CADM2: variants seen among roughly 807,000 people sequenced by gnomAD.
CADM2 encodes the protein immunoglobulin superfamily member 4D.
CADM2 carries 12 observed loss-of-function variants against 49.8 expected under a neutral mutation model. The ratio of observed to expected loss-of-function variants is 0.24; its 90% CI spans 0.15 to 0.39. The LOEUF (loss-of-function observed/expected upper bound fraction) is 0.39. CADM2 is among the 10% of genes least tolerant of loss of function. The pLI, the probability that CADM2 is intolerant of heterozygous loss-of-function variation, is 1.00. For missense variants in CADM2, 378 were observed against 492.3 expected (o/e 0.77, Z 2.20); for synonymous variants, 214 against 175.4 (o/e 1.22, Z -1.74).
intron 1 of CADM2, among the ~76,000 whole-genome samples, chr3:85,171,910 T>C (rs1165590944): frequency 1.3e-5 from 2 of 152,188 alleles, no homozygotes; most frequent in Non-Finnish European, 2.9e-5. Flanking sequence ...GCTTCTAACA[T>C]CGCATAGATT....
chr3:85,693,915 G>GAA (rs146148213), intron 1 of CADM2, among the ~76,000 whole-genome samples: 6 of 121,940 alleles, frequency 4.9e-5, no homozygotes, highest in African/African-American at 1.5e-4. Context: ...AAAGAAAAAA[G>GAA]AAAAAAAAAA....
intron 1 of CADM2, among the ~76,000 whole-genome samples, chr3:85,726,021 G>T (rs1259822116): frequency 1.3e-5 from 2 of 151,808 alleles, no homozygotes; most frequent in African/African-American, 4.8e-5. Context: ...TATGAGGAAG[G>T]GCAACAAAAC....
At chr3:85,841,331 C>T (rs2074629336) in intron 3 of CADM2, among the ~76,000 whole-genome samples, 1 of 151,660 alleles carries the variant, frequency 6.6e-6, no homozygotes, top group Non-Finnish European at 1.5e-5. Context: ...AGAGGAGTCA[C>T]GAGCCCAGTG....
chr3:85,712,513 A>T (rs994741497), intron 1 of CADM2, among the ~76,000 whole-genome samples: 1 of 152,218 alleles, frequency 6.6e-6, no homozygotes, highest in Non-Finnish European at 1.5e-5. Flanking sequence ...AAAGCAGAAG[A>T]TGCTGTCAGT....
chr3:85,910,618 C>T (rs933616291), intron 5 of CADM2, among the ~76,000 whole-genome samples: 99 of 152,026 alleles, frequency 6.5e-4, no homozygotes, highest in African/African-American at 2.4e-3. Flanking sequence ...ATTTTGTATC[C>T]TGTGTTATTT....
At chr3:85,857,548 G>A (rs1423148595) in intron 3 of CADM2, among the ~76,000 whole-genome samples, 1 of 152,078 alleles carries the variant, frequency 6.6e-6, no homozygotes, top group Non-Finnish European at 1.5e-5. Context: ...TGCCGTCATA[G>A]CTCACTGTAT....
intron 8 of CADM2, among the ~76,000 whole-genome samples, chr3:85,966,553 C>T (rs1005244179): frequency 4.0e-5 from 6 of 151,588 alleles, no homozygotes; most frequent in African/African-American, 1.2e-4. Context: ...CCACTATGCA[C>T]CTTTCCACAG....
chr3:85,365,420 A>G (rs1395210390), intron 1 of CADM2, among the ~76,000 whole-genome samples: 1 of 152,036 alleles, frequency 6.6e-6, no homozygotes, highest in Non-Finnish European at 1.5e-5. Context: ...TAGCAATCAA[A>G]ACCTTTGGTG....
At chr3:86,016,747 T>A (rs367748097) in intron 8 of CADM2, among the ~76,000 whole-genome samples, 1 of 152,206 alleles carries the variant, frequency 6.6e-6, no homozygotes, top group East Asian at 1.9e-4. Context: ...AGGGAAATCA[T>A]GTTTTATTCA....
At chr3:85,392,286 A>T (rs2034554292) in intron 1 of CADM2, among the ~76,000 whole-genome samples, 1 of 152,084 alleles carries the variant, frequency 6.6e-6, no homozygotes, top group Admixed American at 6.6e-5. Context: ...GATATAACTT[A>T]AATATTTTTC....
chr3:85,639,713 C>T (rs1333142182), intron 1 of CADM2, among the ~76,000 whole-genome samples: 1 of 152,070 alleles, frequency 6.6e-6, no homozygotes, highest in Non-Finnish European at 1.5e-5. Context: ...AGAACGGCTT[C>T]TAATACGAAG....
At position 86,072,239 on chromosome 3, in the gene CADM2, G is replaced by A. The variant is rs1439928277; in HGVS notation, c.*5456G>A. On this transcript the variant is annotated 3_prime_UTR_variant, in exon 10 of 10. Coordinates refer to ENST00000383699, the MANE Select transcript of CADM2 (RefSeq NM_001167675.2). ...AAGTAAGATGTTTCTATGTTATGTG[G>A]TTATGTTATCAATAATATTTGGTTG... The A allele has an allele frequency of 6.6e-6, 1 of 151,262 alleles. No individual in the cohort carries two copies. The highest frequency in any genetic ancestry group is 1.5e-5 in the Non-Finnish European group (1 of 67,760). 9.4% of individuals were successfully genotyped at this position (151,262 alleles called of 1,614,324 possible). A position where few individuals can be genotyped will look rare whatever the true frequency, so the allele number is the denominator to read the frequency against.
intron 1 of CADM2, among the ~76,000 whole-genome samples, chr3:85,354,211 A>G (rs2031621090): frequency 6.6e-6 from 1 of 151,968 alleles, no homozygotes; most frequent in Non-Finnish European, 1.5e-5. Context: ...AATATTTAGA[A>G]AATTCTTGAT....
intron 1 of CADM2, among the ~76,000 whole-genome samples, chr3:85,056,841 G>GA (rs1279024290): frequency 6.6e-6 from 1 of 151,998 alleles, no homozygotes; most frequent in African/African-American, 2.4e-5. Flanking sequence ...TATAGACGCT[G>GA]AAAAAAGGAA....
chr3:85,587,035 G>A (rs12054398), intron 1 of CADM2, among the ~76,000 whole-genome samples: 12,261 of 152,020 alleles, frequency 0.081, 955 homozygotes, highest in African/African-American at 0.18. Context: ...AGTTATTTTG[G>A]TGTCATACAT....
intron 8 of CADM2, chr3:86,014,409 A>T (rs1187295725): frequency 6.8e-7 from 1 of 1,478,618 alleles, no homozygotes; most frequent in African/African-American, 1.4e-5. Context: ...CAACGAAGTG[A>T]TGGAAAATAT....
intron 1 of CADM2, among the ~76,000 whole-genome samples, chr3:85,559,493 A>G (rs1443093877): frequency 1.3e-5 from 2 of 152,258 alleles, no homozygotes; most frequent in African/African-American, 2.4e-5. Flanking sequence ...AAATTAAGAT[A>G]TAGTAACAAA....
chr3:85,579,826 A>T (rs1231737581), intron 1 of CADM2, among the ~76,000 whole-genome samples: 1 of 152,054 alleles, frequency 6.6e-6, no homozygotes, highest in African/African-American at 2.4e-5. Context: ...AAATATGTAT[A>T]TTGCATTTAT....
intron 1 of CADM2, among the ~76,000 whole-genome samples, chr3:85,621,053 T>TTCA: frequency 6.6e-6 from 1 of 152,258 alleles, no homozygotes; most frequent in South Asian, 2.1e-4. Flanking sequence ...TTTAAGGTAA[T>TTCA]ATTCTTCAAT....
Sources: allele counts gnomAD v4.1 joint callset (sites outside exome capture counted in the v4.1 genomes callset), GRCh38; gene constraint gnomAD v4.1.1; transcripts MANE v1.5; gene names NCBI Gene and HGNC (gene_info 2026-07-23, HGNC 2026-07-21).